The following ELOVL6 variants were observed in gnomAD, a reference collection of about 807,000 sequenced individuals.
ELOVL6 encodes very long chain fatty acid elongase 6.
In ELOVL6, 8 loss-of-function variants were observed where a neutral mutation model predicts 31.7. The ratio of observed to expected loss-of-function variants is 0.25; its 90% CI spans 0.15 to 0.45. The LOEUF (loss-of-function observed/expected upper bound fraction) is 0.45. ELOVL6 is among the 20% of genes least tolerant of loss of function. ELOVL6 has a pLI of 1.00. For synonymous variants in ELOVL6, 101 were observed against 117.7 expected (o/e 0.86, Z 0.92); for missense variants, 126 against 326.4 (o/e 0.39, Z 4.73).
intron 1 of ELOVL6, among the ~76,000 whole-genome samples, chr4:110,132,558 G>A (rs1024217479): frequency 1.3e-5 from 2 of 152,028 alleles, no homozygotes; most frequent in Admixed American, 1.3e-4. Context: ...TAGGTGCGTT[G>A]GCTCATGCCT....
chr4:110,095,480 T>A (rs1455844354), intron 2 of ELOVL6, among the ~76,000 whole-genome samples: 83 of 129,072 alleles, frequency 6.4e-4, no homozygotes, highest in Middle Eastern at 4.1e-3. Context: ...AAACTGTCTT[T>A]AAAAAAAAAA....
At position 110,084,433 on chromosome 4, in the gene ELOVL6, C is replaced by CATATATGATATATCGCATATATCAT. The variant is rs1756141564; in HGVS notation, c.221+21039_221+21063dup. Among the ~76,000 whole-genome samples, 4 of 93,352 alleles carry CATATATGATATATCGCATATATCAT rather than the reference C, an allele frequency of 4.3e-5. 2 individuals are homozygous for CATATATGATATATCGCATATATCAT. Among genetic ancestry groups the CATATATGATATATCGCATATATCAT allele is most frequent in the Non-Finnish European group, 7.9e-5 (4 of 50,720 alleles). 61.2% of individuals were successfully genotyped at this position (93,352 alleles called of 152,430 possible). ...GACATACATGATATATCACATATATCATATATGATATATCGCATATATCAT... is the reference window on the plus strand; with the variant it reads ...GACATACATGATATATCACATATATCATATATGATATATCGCATATATCATATATATGATATATCGCATATATCAT... On this transcript the variant is annotated intron_variant, in intron 2 of 3. Transcript: ENST00000302274.
chr4:110,078,800 G>A (rs1350313602), intron 2 of ELOVL6, among the ~76,000 whole-genome samples: 4 of 152,178 alleles, frequency 2.6e-5, no homozygotes, highest in Non-Finnish European at 4.4e-5. Flanking sequence ...CTGGCAAATT[G>A]GATAAGGAGT....
chr4:110,170,841 C>A (rs2126273307), intron 1 of ELOVL6, among the ~76,000 whole-genome samples: 1 of 152,230 alleles, frequency 6.6e-6, no homozygotes, highest in Non-Finnish European at 1.5e-5. Context: ...CTCGCAACTC[C>A]CACAGCCCTG....
intron 2 of ELOVL6, among the ~76,000 whole-genome samples, chr4:110,077,663 ACT>A (rs1479642267): frequency 1.3e-5 from 2 of 152,156 alleles, no homozygotes; most frequent in African/African-American, 2.4e-5. Flanking sequence ...AAAACTGGAA[ACT>A]CTAAAAATCA....
chr4:110,068,083 T>A (rs1019833091), intron 2 of ELOVL6, among the ~76,000 whole-genome samples: 2 of 152,130 alleles, frequency 1.3e-5, no homozygotes, highest in African/African-American at 4.8e-5. Context: ...CAGTAATAAA[T>A]AAATTAAAAC....
intron 1 of ELOVL6, among the ~76,000 whole-genome samples, chr4:110,137,678 T>C (rs1162457825): frequency 1.3e-5 from 2 of 152,170 alleles, no homozygotes; most frequent in Non-Finnish European, 2.9e-5. Flanking sequence ...ATAATAGTAA[T>C]GATAGGACCA....
intron 1 of ELOVL6, among the ~76,000 whole-genome samples, chr4:110,182,926 C>T (rs549946845): frequency 6.6e-6 from 1 of 152,004 alleles, no homozygotes; most frequent in African/African-American, 2.4e-5. Flanking sequence ...AAAATGAAAA[C>T]TGGAACAGCA....
chr4:110,100,418 C>T (rs1471744072), intron 2 of ELOVL6, among the ~76,000 whole-genome samples: 1 of 152,138 alleles, frequency 6.6e-6, no homozygotes, highest in Admixed American at 6.5e-5. Context: ...AAACTGCAGG[C>T]AATTCTTGCA....
chr4:110,103,526 T>C (rs942627330), intron 2 of ELOVL6, among the ~76,000 whole-genome samples: 1 of 152,184 alleles, frequency 6.6e-6, no homozygotes, highest in Non-Finnish European at 1.5e-5. Context: ...CTATAATAAC[T>C]GTATATACTT....
intron 1 of ELOVL6, among the ~76,000 whole-genome samples, chr4:110,174,464 C>T (rs1047569073): frequency 6.6e-6 from 1 of 152,102 alleles, no homozygotes; most frequent in South Asian, 2.1e-4. Context: ...CTGCGCCTGG[C>T]CTTCAGGCAT....
chr4:110,160,821 T>C (rs1390028284), intron 1 of ELOVL6, among the ~76,000 whole-genome samples: 1 of 152,062 alleles, frequency 6.6e-6, no homozygotes, highest in African/African-American at 2.4e-5. Flanking sequence ...AATAAAAGGG[T>C]TGGGAAACAG....
intron 2 of ELOVL6, among the ~76,000 whole-genome samples, chr4:110,077,822 A>G (rs1560809325): frequency 6.6e-6 from 1 of 152,214 alleles, no homozygotes; most frequent in African/African-American, 2.4e-5. Context: ...ACCCATGGCA[A>G]AGAAGTTAAA....
intron 1 of ELOVL6, among the ~76,000 whole-genome samples, chr4:110,174,995 A>G (rs903949747): frequency 1.3e-5 from 2 of 152,000 alleles, no homozygotes; most frequent in Non-Finnish European, 2.9e-5. Context: ...TGTAAATTCC[A>G]TGTATGTTAT....
intron 1 of ELOVL6, 122 bp downstream of exon 1, chr4:110,198,125 A>C: frequency 5.7e-6 from 3 of 528,712 alleles, no homozygotes; most frequent in Middle Eastern, 4.5e-4. Flanking sequence ...GAACTCAGCG[A>C]TCAGCTGGCT....
chr4:110,192,240 T>C (rs941635946), intron 1 of ELOVL6, among the ~76,000 whole-genome samples: 2 of 151,942 alleles, frequency 1.3e-5, no homozygotes, highest in African/African-American at 4.8e-5. Context: ...GAAAGATTCT[T>C]CTTTCAAGGA....
chr4:110,132,035 T>C (rs1055511598), intron 1 of ELOVL6, among the ~76,000 whole-genome samples: 4 of 151,884 alleles, frequency 2.6e-5, no homozygotes, highest in Admixed American at 1.3e-4. Flanking sequence ...GGGGTGCAGG[T>C]TGAAGGACCT....
chr4:110,079,454 C>T (rs1162786775), intron 2 of ELOVL6, among the ~76,000 whole-genome samples: 1 of 152,052 alleles, frequency 6.6e-6, no homozygotes, highest in Non-Finnish European at 1.5e-5. Flanking sequence ...AACCGCTCAA[C>T]TACATGAAAA....
Position 110,047,860 on chromosome 4 carries a change from A to C in ELOVL6, c.*3478T>G, listed in dbSNP as rs1356045827. On this transcript the variant is annotated 3_prime_UTR_variant, in exon 4 of 4. Coordinates refer to ENST00000302274, the MANE Select transcript of ELOVL6 (RefSeq NM_024090.3). Reference sequence around the variant, plus strand: ...AGTCTAGATCGCGCCACTGCACTCCAGCCTGGGCAACAACAGCAAGAATCC... The same window carrying C: ...AGTCTAGATCGCGCCACTGCACTCCCGCCTGGGCAACAACAGCAAGAATCC... 7.2e-6 allele frequency: 1 copy of C among 138,438 alleles called. No homozygotes were observed. Among genetic ancestry groups the C allele is most frequent in the Non-Finnish European group, 1.5e-5 (1 of 66,334 alleles). 8.6% of individuals were successfully genotyped at this position (138,438 alleles called of 1,614,324 possible).
Sources: gnomAD v4.1 joint callset for allele counts (sites outside exome capture counted in the v4.1 genomes callset) on GRCh38, gnomAD v4.1.1 for gene constraint, MANE v1.5 for transcripts, NCBI Gene and HGNC (gene_info 2026-07-23, HGNC 2026-07-21) for gene names.